Variants in ATRNL1 observed in about 807,000 individuals in gnomAD.
ATRNL1 encodes the protein attractin like 1.
In ATRNL1, 95 loss-of-function variants were observed where a neutral mutation model predicts 182.7. The observed-to-expected ratio is 0.52, with a 90% CI of 0.44 to 0.62. The LOEUF (loss-of-function observed/expected upper bound fraction) is 0.62. Ranked by LOEUF, ATRNL1 falls within the 20% of genes least tolerant of loss-of-function variation. ATRNL1 has a pLI of 0.00. For synonymous variants in ATRNL1, 576 were observed against 568.3 expected (o/e 1.01, Z -0.19); for missense variants, 1,471 against 1,679.5 (o/e 0.88, Z 2.17).
At position 115,701,421 on chromosome 10, in the gene ATRNL1, A is replaced by G. The variant is rs1251188959; in HGVS notation, c.3796-25827A>G. ...ACTAGAAAAACAAAAACTAACCCCA[A>G]TGCTAAAGAAGAAAAGAAATAACTG... On this transcript the variant is annotated intron_variant, in intron 26 of 28. Transcript: ENST00000355044. Among the ~76,000 whole-genome samples, 4 of 151,978 alleles carry G rather than the reference A, an allele frequency of 2.6e-5. No homozygotes were observed. In the East Asian group the frequency reaches 7.7e-4, roughly 29 times the overall value.
chr10:115,718,155 C>T (rs1947314292), intron 26 of ATRNL1, among the ~76,000 whole-genome samples: 1 of 152,120 alleles, frequency 6.6e-6, no homozygotes, highest in African/African-American at 2.4e-5. Context: ...AAAAAATAAA[C>T]TTTTCTGTGT....
intron 19 of ATRNL1, among the ~76,000 whole-genome samples, chr10:115,344,821 AC>A (rs1554939277): frequency 1.3e-5 from 2 of 152,280 alleles, no homozygotes; most frequent in Non-Finnish European, 1.5e-5. Flanking sequence ...GTTATTCAGG[AC>A]CCAAGTACTC....
intron 26 of ATRNL1, among the ~76,000 whole-genome samples, chr10:115,604,998 T>G (rs1268453595): frequency 1.3e-5 from 2 of 152,164 alleles, no homozygotes; most frequent in African/African-American, 2.4e-5. Context: ...TAATAGAGGA[T>G]TGTAACATTT....
chr10:115,853,035 C>T lies in ATRNL1; in HGVS notation c.4018+5044C>T, dbSNP rs145311777. Among the ~76,000 whole-genome samples, 231 of 152,234 alleles carry T rather than the reference C, an allele frequency of 1.5e-3. 1 individual carries two copies. Among genetic ancestry groups the T allele is most frequent in the Middle Eastern group, 3.4e-3 (1 of 294 alleles). On this transcript the variant is annotated intron_variant, in intron 28 of 28. Coordinates refer to ENST00000355044, the MANE Select transcript of ATRNL1 (RefSeq NM_207303.4). Reference sequence around the variant, plus strand: ...TGACCATGGGCAAGTCTTTCAGTCTCTGGGTCTTCTATTTTCCCATGTGAA... The same window carrying T: ...TGACCATGGGCAAGTCTTTCAGTCTTTGGGTCTTCTATTTTCCCATGTGAA...
intron 24 of ATRNL1, among the ~76,000 whole-genome samples, chr10:115,509,445 A>T (rs190694667): frequency 1.3e-5 from 2 of 152,074 alleles, no homozygotes; most frequent in East Asian, 3.9e-4. Flanking sequence ...GTTTAGCACC[A>T]TCCCCTTCAT....
intron 26 of ATRNL1, among the ~76,000 whole-genome samples, chr10:115,640,986 A>G (rs1251763130): frequency 2.0e-5 from 3 of 152,154 alleles, no homozygotes; most frequent in South Asian, 2.1e-4. Flanking sequence ...AGTTTTCTGC[A>G]TATGGCTAGC....
Position 115,569,191 on chromosome 10 carries a change from A to G in ATRNL1, c.3795+19655A>G, listed in dbSNP as rs185742597. ...TGTCACTTATCAATATAACTTGGAT[A>G]TCTTTCCATTGCCAACCTCTTTTGT... is the stretch of plus-strand genomic sequence containing the variant. On this transcript the variant is annotated intron_variant, in intron 26 of 28. Coordinates refer to ENST00000355044, the MANE Select transcript of ATRNL1 (RefSeq NM_207303.4). Among the ~76,000 whole-genome samples the G allele has an allele frequency of 1.1e-4, 17 of 152,290 alleles. No homozygotes were observed. In the East Asian group the frequency reaches 2.3e-3, roughly 21 times the overall value.
At position 115,945,260 on chromosome 10, in the gene ATRNL1, A is replaced by T. The variant is rs1953851146; in HGVS notation, c.*481A>T. The T allele has an allele frequency of 6.6e-6, 1 of 152,252 alleles. No individual in the cohort carries two copies. Among genetic ancestry groups the T allele is most frequent in the Non-Finnish European group, 1.5e-5 (1 of 68,102 alleles). The allele number at this position is 152,252 out of a possible 1,614,324, so 9.4% of individuals were successfully genotyped here. ...TTTTATCTCGTTGTAAAGGTAAGGC[A>T]AGATTTTGATGTAGTAGGATGTAGG... On this transcript the variant is annotated 3_prime_UTR_variant, in exon 29 of 29. Coordinates refer to ENST00000355044, the MANE Select transcript of ATRNL1 (RefSeq NM_207303.4).
chr10:115,284,815 AAC>A (rs1401876379), intron 14 of ATRNL1, among the ~76,000 whole-genome samples: 1 of 152,206 alleles, frequency 6.6e-6, no homozygotes, highest in African/African-American at 2.4e-5. Flanking sequence ...AAAAATATAA[AAC>A]AATAAAAATA....
At chr10:115,102,969 G>A (rs1843838951) in intron 1 of ATRNL1, among the ~76,000 whole-genome samples, 1 of 150,514 alleles carries the variant, frequency 6.6e-6, no homozygotes, top group Non-Finnish European at 1.5e-5. Context: ...TCATCTATTT[G>A]GGTTTTCATT....
At chr10:115,346,439 T>G (rs1190166890) in intron 19 of ATRNL1, among the ~76,000 whole-genome samples, 1 of 152,238 alleles carries the variant, frequency 6.6e-6, no homozygotes, top group Non-Finnish European at 1.5e-5. Context: ...TGTATCAGAC[T>G]GTCTTTCCTT....
chr10:115,697,290 A>G (rs1223952098), intron 26 of ATRNL1, among the ~76,000 whole-genome samples: 4 of 152,060 alleles, frequency 2.6e-5, no homozygotes, highest in African/African-American at 4.8e-5. Flanking sequence ...GTATTCTGCC[A>G]TGTTAACAGA....
intron 10 of ATRNL1, among the ~76,000 whole-genome samples, chr10:115,258,958 G>A (rs1851278140): frequency 6.6e-6 from 1 of 152,218 alleles, no homozygotes; most frequent in Admixed American, 6.5e-5. Flanking sequence ...CTGCAGAACA[G>A]CAAGTATTAC....
chr10:115,725,369 G>A (rs1333482388), intron 26 of ATRNL1, among the ~76,000 whole-genome samples: 1 of 151,976 alleles, frequency 6.6e-6, no homozygotes, highest in Non-Finnish European at 1.5e-5. Flanking sequence ...TGTGAGTTTG[G>A]AATATTTGTT....
At chr10:115,288,101 T>C (rs1193300315) in intron 15 of ATRNL1, among the ~76,000 whole-genome samples, 1 of 152,194 alleles carries the variant, frequency 6.6e-6, no homozygotes, top group African/African-American at 2.4e-5. Flanking sequence ...TACTTATATT[T>C]ACCACATTTT....
chr10:115,380,840 T>C lies in ATRNL1; in HGVS notation c.3176-13819T>C, dbSNP rs576038586. ...CTTTGGCTATTATGAATAATGCTGC[T>C]ATGAACATTCCGTGTATGTTTTATT... On this transcript the variant is annotated intron_variant, in intron 19 of 28. Transcript: ENST00000355044. Among the ~76,000 whole-genome samples, 84 of 152,344 alleles carry C rather than the reference T, an allele frequency of 5.5e-4. 2 individuals carry two copies. The South Asian group carries it at 0.017, about 31-fold the overall frequency.
At chr10:115,193,457 T>C (rs1848240785) in intron 8 of ATRNL1, among the ~76,000 whole-genome samples, 1 of 151,976 alleles carries the variant, frequency 6.6e-6, no homozygotes, top group Admixed American at 6.6e-5. Flanking sequence ...AATCTTGGTA[T>C]GTTGCAAGTA....
chr10:115,677,480 G>T (rs1945901852), intron 26 of ATRNL1, among the ~76,000 whole-genome samples: 1 of 152,020 alleles, frequency 6.6e-6, no homozygotes, highest in African/African-American at 2.4e-5. Context: ...GACCCAGGGG[G>T]AGGTAATTGA....
rs553791438 is a variant in ATRNL1 at position 115,431,637 on chromosome 10, A to G, written c.3322+5335A>G. 8.5e-5 allele frequency among the ~76,000 whole-genome samples: 13 copies of G among 152,134 alleles called. No individual in the cohort carries two copies. In the South Asian group the frequency reaches 2.3e-3, roughly 27 times the overall value. ...TTATTTAAAATTAAAAGTTAGCTCA[A>G]TATCTTTCAAAAATGACAGTTTTTG... On this transcript the variant is annotated intron_variant, in intron 21 of 28. Coordinates refer to ENST00000355044, the MANE Select transcript of ATRNL1 (RefSeq NM_207303.4).
Sources: gnomAD v4.1 joint callset for allele counts (sites outside exome capture counted in the v4.1 genomes callset) on GRCh38, gnomAD v4.1.1 for gene constraint, MANE v1.5 for transcripts, NCBI Gene and HGNC (gene_info 2026-07-23, HGNC 2026-07-21) for gene names.